TLE6: variants seen among roughly 807,000 people sequenced by gnomAD.
The protein encoded by TLE6 is TLE family member 6, subcortical maternal complex member, also known as transducin-like enhancer protein 6.
TLE6 carries 72 observed loss-of-function variants against 77.1 expected under a neutral mutation model. The ratio of observed to expected loss-of-function variants is 0.93; its 90% CI spans 0.77 to 1.14. TLE6 has a LOEUF of 1.14. TLE6 is among the 50% of genes most tolerant of loss of function. The probability of loss-of-function intolerance (pLI) is 0.00; values close to 1 mark genes in which losing one functional copy is unlikely to be tolerated. For missense variants in TLE6, 843 were observed against 747.6 expected (o/e 1.13, Z -1.49); for synonymous variants, 366 against 287.3 (o/e 1.27, Z -2.77).
Position 2,987,974 on chromosome 19 carries a change from G to C in TLE6, c.702G>C (p.Gln234His). ...GGAACACAAGTTGGGGTGTGGTCCAGGTGAGACCCAGGCCCGAGCTGGTAG... is the reference window on the plus strand; with the variant it reads ...GGAACACAAGTTGGGGTGTGGTCCACGTGAGACCCAGGCCCGAGCTGGTAG... ...QDRNTSWGVV[Q>H]EPPGRASRFL... The change falls in exon 10 of 17, where the codon CAG becomes CAC. Residue 234 changes from glutamine (Q) to histidine (H), a missense_variant and splice_region_variant. Coordinates refer to ENST00000246112, the MANE Select transcript of TLE6 (RefSeq NM_001143986.2). 1.2e-6 allele frequency: 2 copies of C among 1,610,466 alleles called. No individual in the cohort carries two copies. The highest frequency in any genetic ancestry group is 1.1e-5 in the South Asian group (1 of 90,494).
In TLE6 at chr19:2,991,892, T is replaced by C. The variant is rs148540573; in HGVS notation, c.1294T>C (p.Tyr432His). 4.0e-4 allele frequency: 642 copies of C among 1,613,902 alleles called. 4 individuals carry two copies. Among genetic ancestry groups the C allele is most frequent in the South Asian group, 1.8e-3 (167 of 91,066 alleles). Residue 432 changes from tyrosine (Y) to histidine (H), a missense_variant, in exon 14 of 17, where the codon TAC (tyrosine) becomes CAC (histidine). Coordinates refer to ENST00000246112, the MANE Select transcript of TLE6 (RefSeq NM_001143986.2). The part of the protein sequence containing the change: ...DGVKSIVVKG[Y>H]NIWTGGPDAC... ...AGTCAAGAGTATCGTGGTCAAGGGCTACAACATCTGGACTGGGGGTCCGGA... is the reference window on the plus strand; with the variant it reads ...AGTCAAGAGTATCGTGGTCAAGGGCCACAACATCTGGACTGGGGGTCCGGA...
chr19:2,982,588 A>G (rs2088822083), intron 5 of TLE6, among the ~76,000 whole-genome samples: 2 of 147,506 alleles, frequency 1.4e-5, no homozygotes, highest in African/African-American at 5.0e-5. Context: ...ACAGAGGACG[A>G]GGGGTAGGTC....
intron 13 of TLE6, 108 bp downstream of exon 13, chr19:2,989,893 C>A: frequency 6.8e-7 from 1 of 1,480,464 alleles, no homozygotes; most frequent in Non-Finnish European, 9.2e-7. Flanking sequence ...ACCTCCTGAA[C>A]CTGGGATATA....
intron 2 of TLE6, among the ~76,000 whole-genome samples, chr19:2,979,116 A>C (rs1383144620): frequency 4.0e-5 from 6 of 150,532 alleles, no homozygotes; most frequent in African/African-American, 1.2e-4. Context: ...ATGACCACCA[A>C]ATTTTTCTTG....
intron 5 of TLE6, among the ~76,000 whole-genome samples, chr19:2,986,226 A>G (rs2088907515): frequency 6.6e-6 from 1 of 152,016 alleles, no homozygotes; most frequent in African/African-American, 2.4e-5. Context: ...CAGCCTGGCC[A>G]ACATAATGAG....
intron 14 of TLE6, 120 bp downstream of exon 14, chr19:2,992,104 G>A (rs2089081244): frequency 2.5e-6 from 3 of 1,212,538 alleles, no homozygotes; most frequent in African/African-American, 3.0e-5. Flanking sequence ...GGGAGGCCAA[G>A]GTGGGTGGAT....
upstream of TLE6, chr19:2,977,409 C>A (rs552739117): frequency 6.0e-4 from 92 of 152,432 alleles, 1 homozygote; most frequent in Admixed American, 1.6e-3. Context: ...GCCTGCCCCC[C>A]CCGGAGCCCG....
At chr19:2,994,442 C>G (rs1032923655) in intron 16 of TLE6, among the ~76,000 whole-genome samples, 2 of 152,164 alleles carry the variant, frequency 1.3e-5, no homozygotes, top group Non-Finnish European at 2.9e-5. Flanking sequence ...ATCCCTGTCT[C>G]TACTAAAAAT....
intron 10 of TLE6, 50 bp downstream of exon 10, chr19:2,988,024 G>T (rs1335991548): frequency 1.3e-6 from 2 of 1,582,836 alleles, no homozygotes; most frequent in Non-Finnish European, 1.7e-6. Flanking sequence ...TGCCCAGGGT[G>T]GGGTAGAGGA....
chr19:2,978,291 A>C lies in TLE6; in HGVS notation c.51+7A>C, dbSNP rs1449713823. 6.4e-7 allele frequency: 1 copy of C among 1,551,222 alleles called. No homozygotes were observed. The highest frequency in any genetic ancestry group is 8.7e-7 in the Non-Finnish European group (1 of 1,146,920). ...CCCCCCGAAAAGCACTTCGGTGAGG[A>C]GGGCATGTGGTGGGATCAGCCCTCA... On this transcript the variant is annotated splice_region_variant and intron_variant, in intron 2 of 16. Coordinates refer to ENST00000246112, the MANE Select transcript of TLE6 (RefSeq NM_001143986.2).
In TLE6 at chr19:2,993,513, A is replaced by C. The variant is rs1317512322; in HGVS notation, c.1468A>C (p.Ser490Arg). The change falls in exon 15 of 17, where the codon AGC becomes CGC. Residue 490 changes from serine to arginine, a missense_variant. By Grantham distance (110) the Ser-to-Arg change is moderately radical (BLOSUM62 -1). Transcript: ENST00000246112. ...ANGQQWLQST[S>R]GSQRHMVGQK... is the part of the protein sequence containing the mutation. Reference sequence around the variant, plus strand: ...TGGCCAGCAGTGGCTGCAAAGCACCAGCGGGAGCCAGCGGCACATGGTGGG... The same window carrying C: ...TGGCCAGCAGTGGCTGCAAAGCACCCGCGGGAGCCAGCGGCACATGGTGGG... The C allele has an allele frequency of 2.5e-6, 4 of 1,593,934 alleles. No individual in the cohort carries two copies. The African/African-American group carries it at 4.0e-5, about 16-fold the overall frequency.
intron 5 of TLE6, among the ~76,000 whole-genome samples, chr19:2,983,431 G>C (rs1307916174): frequency 1.3e-5 from 2 of 152,102 alleles, no homozygotes; most frequent in Non-Finnish European, 2.9e-5. Context: ...GGTCAGGGAA[G>C]GCATGCGAGA....
intron 16 of TLE6, among the ~76,000 whole-genome samples, chr19:2,994,588 T>A (rs1251050434): frequency 6.7e-6 from 1 of 149,790 alleles, no homozygotes; most frequent in Admixed American, 6.7e-5. Flanking sequence ...CCAGCCTGGG[T>A]GACAGAGACT....
chr19:2,993,591 C>A lies in TLE6; in HGVS notation c.1537+9C>A. The A allele has an allele frequency of 1.9e-6, 3 of 1,544,646 alleles. No individual in the cohort carries two copies. Among genetic ancestry groups the A allele is most frequent in the Non-Finnish European group, 2.6e-6 (3 of 1,140,656 alleles). ...CAAGTTCTCCCCCTTTGGTAAGCGG[C>A]TGGCGGAAGATGAGGGGACTCCCCT... is the stretch of plus-strand genomic sequence containing the variant. On this transcript the variant is annotated intron_variant, in intron 15 of 16. Transcript: ENST00000246112.
rs769820067 is a variant in TLE6 at position 2,981,632 on chromosome 19, A to C, written c.180+49A>C. ...AACCAAGGAGGGCCCCACTGGGACAAGCTGAGGCCCTGGTTTCCCGGCCCT... is the reference window on the plus strand; with the variant it reads ...AACCAAGGAGGGCCCCACTGGGACACGCTGAGGCCCTGGTTTCCCGGCCCT... On this transcript the variant is annotated intron_variant, in intron 4 of 16. Transcript: ENST00000246112. The C allele has an allele frequency of 1.9e-6, 3 of 1,539,684 alleles. No individual in the cohort carries two copies. The South Asian group carries it at 3.6e-5, about 18-fold the overall frequency.
chr19:2,988,045 G>C lies in TLE6; in HGVS notation c.703-46G>C, dbSNP rs757464039. ...GGGTGGGGTAGAGGAGGTGGGCACA[G>C]ATGTGCGGGGAGGCTGGGGGCAGCT... On this transcript the variant is annotated intron_variant, in intron 10 of 16. Coordinates refer to ENST00000246112, the MANE Select transcript of TLE6 (RefSeq NM_001143986.2). 6.4e-6 allele frequency: 10 copies of C among 1,562,008 alleles called. No homozygotes were observed. The South Asian group carries it at 1.2e-4, about 18-fold the overall frequency.
chr19:2,979,345 CAA>C (rs1325768792), intron 2 of TLE6, among the ~76,000 whole-genome samples: 1 of 151,820 alleles, frequency 6.6e-6, no homozygotes, highest in African/African-American at 2.4e-5. Context: ...CTCCCAGGTT[CAA>C]GTGATTCTCC....
At position 2,987,186 on chromosome 19, in the gene TLE6, C is replaced by T; in HGVS notation, c.489C>T (p.Leu163=). The T allele has an allele frequency of 1.2e-6, 2 of 1,614,100 alleles. No individual in the cohort carries two copies. Among genetic ancestry groups the T allele is most frequent in the Non-Finnish European group, 1.7e-6 (2 of 1,180,032 alleles). Residue 163 remains leucine (L), a synonymous_variant, in exon 7 of 17, where the codon CTC becomes CTT. Coordinates refer to ENST00000246112, the MANE Select transcript of TLE6 (RefSeq NM_001143986.2). The part of the protein sequence containing the change: ...WFWHDTLTEQ[L]WRIFAGVHDE... ...GGCACGACACTCTGACCGAGCAACT[C>T]TGGCGGATTTTTGCCGGCGTCCACG...
rs1435765881 is a variant in TLE6 at position 2,991,935 on chromosome 19, G to A, written c.1337G>A (p.Trp446Ter). 1.9e-6 allele frequency: 3 copies of A among 1,613,832 alleles called. No individual in the cohort carries two copies. In the East Asian group the frequency reaches 6.7e-5, roughly 36 times the overall value. The change falls in exon 14 of 17, where the codon TGG becomes TAG. Residue 446 changes from tryptophan (W) to a stop codon, truncating the protein, a stop_gained. Coordinates refer to ENST00000246112, the MANE Select transcript of TLE6 (RefSeq NM_001143986.2). LOFTEE classifies it high-confidence loss of function. Reference protein sequence around the residue: ...TGGPDACLRCWDQRTIMKPLE... With the variant: ...TGGPDACLRC ...GGTCCGGATGCCTGTCTGCGGTGCT[G>A]GGACCAGAGGACCATCATGAAACCT...
Sources: allele counts gnomAD v4.1 joint callset (sites outside exome capture counted in the v4.1 genomes callset), GRCh38; gene constraint gnomAD v4.1.1; transcripts MANE v1.5; gene names NCBI Gene and HGNC (gene_info 2026-07-23, HGNC 2026-07-21).